EGLN3: variants seen among roughly 807,000 people sequenced by gnomAD.
EGLN3 encodes egl-9 family hypoxia inducible factor 3, also known as prolyl hydroxylase EGLN3.
A neutral mutation model predicts 26.0 loss-of-function variants in EGLN3; 15 were observed. The observed-to-expected ratio is 0.58, with a 90% confidence interval of 0.39 to 0.89. The LOEUF is 0.89. Among genes scored for constraint, EGLN3 ranks in the 40% least tolerant of loss-of-function variants. The pLI, the probability that EGLN3 is intolerant of heterozygous loss-of-function variation, is 0.00. For synonymous variants in EGLN3, 147 were observed against 127.2 expected (o/e 1.16, Z -1.05); for missense variants, 238 against 311.6 (o/e 0.76, Z 1.78).
intron 1 of EGLN3, among the ~76,000 whole-genome samples, chr14:33,940,615 C>G (rs967542834): frequency 2.6e-5 from 4 of 152,130 alleles, no homozygotes; most frequent in Non-Finnish European, 5.9e-5. Flanking sequence ...TCTGCATTTA[C>G]TGCATGTTTC....
In EGLN3 at chr14:33,950,705, C is replaced by T; in HGVS notation, c.48G>A (p.Leu16=). 6.2e-7 allele frequency: 1 copy of T among 1,614,018 alleles called. No homozygotes were observed. Among genetic ancestry groups the T allele is most frequent in the Non-Finnish European group, 8.5e-7 (1 of 1,179,952 alleles). ...CGTGCAGACAGGGCACGATGTACTCCAGGGCAATTTTCTCCAGGTCCAGCC... is the reference window on the plus strand; with the variant it reads ...CGTGCAGACAGGGCACGATGTACTCTAGGGCAATTTTCTCCAGGTCCAGCC... ...IMRLDLEKIA[L]EYIVPCLHEV... The change falls in exon 1 of 5, where the codon CTG becomes CTA. Residue 16 remains leucine, a synonymous_variant. Transcript: ENST00000250457.
At chr14:33,946,245 G>A (rs934131089) in intron 1 of EGLN3, among the ~76,000 whole-genome samples, 14 of 152,200 alleles carry the variant, frequency 9.2e-5, no homozygotes, top group African/African-American at 2.2e-4. Flanking sequence ...GCATGGTGGC[G>A]CACGCCTGTA....
intron 4 of EGLN3, among the ~76,000 whole-genome samples, 169 bp from the exon 5 acceptor site, chr14:33,926,091 C>T (rs2064360681): frequency 6.6e-6 from 1 of 152,180 alleles, no homozygotes; most frequent in Non-Finnish European, 1.5e-5. Context: ...GGGATCTTTC[C>T]CATATGCCTC....
Position 33,943,678 on chromosome 14 carries a change from C to T in EGLN3, c.357+6718G>A, listed in dbSNP as rs550685305. On this transcript the variant is annotated intron_variant, in intron 1 of 4. Coordinates refer to ENST00000250457, the MANE Select transcript of EGLN3 (RefSeq NM_022073.4). ...GCCCACAGGTGAGCAGCCTTCCAAG[C>T]TTTATCCGGAAGTACACAAGATGCT... 5.3e-5 allele frequency among the ~76,000 whole-genome samples: 8 copies of T among 152,324 alleles called. No individual in the cohort carries two copies. The East Asian group carries it at 1.2e-3, about 22-fold the overall frequency.
chr14:33,927,151 T>C (rs2064367431), intron 3 of EGLN3, 118 bp from the exon 4 acceptor site: 1 of 344,574 alleles, frequency 2.9e-6, no homozygotes, highest in Middle Eastern at 8.4e-4. Context: ...AAGTCTACCC[T>C]GATTTATTTA....
chr14:33,927,210 C>T (rs2064368686), intron 3 of EGLN3, among the ~76,000 whole-genome samples, 177 bp from the exon 4 acceptor site: 1 of 146,808 alleles, frequency 6.8e-6, no homozygotes, highest in African/African-American at 2.5e-5. Context: ...TGGAGTCTTG[C>T]TCTGTTGCCA....
At chr14:33,943,501 C>A (rs902126778) in intron 1 of EGLN3, among the ~76,000 whole-genome samples, 1 of 152,122 alleles carries the variant, frequency 6.6e-6, no homozygotes, top group Non-Finnish European at 1.5e-5. Context: ...AGTCTGTTGC[C>A]GTAATAATTA....
In EGLN3 at chr14:33,929,082, G is replaced by A. The variant is rs1184683693; in HGVS notation, c.608C>T (p.Ala203Val). 6.2e-7 allele frequency: 1 copy of A among 1,613,658 alleles called. No homozygotes were observed. Among genetic ancestry groups the A allele is most frequent in the Non-Finnish European group, 8.5e-7 (1 of 1,179,944 alleles). ...TCATGGCTCCGGCTATTACCTGGTTGCGTAAGAGGGCTGCACTTCGTGTGG... is the reference window on the plus strand; with the variant it reads ...TCATGGCTCCGGCTATTACCTGGTTACGTAAGAGGGCTGCACTTCGTGTGG... ...RNPHEVQPSY[A>V]TRYAMTVWYF... Residue 203 changes from alanine to valine, a missense_variant, in exon 3 of 5, where the codon GCA becomes GTA. Physicochemically the swap from Ala to Val is moderately conservative, Grantham distance 64. Coordinates refer to ENST00000250457, the MANE Select transcript of EGLN3 (RefSeq NM_022073.4).
chr14:33,931,852 A>C (rs2138813481), intron 1 of EGLN3, among the ~76,000 whole-genome samples: 1 of 152,342 alleles, frequency 6.6e-6, no homozygotes, highest in African/African-American at 2.4e-5. Flanking sequence ...GTATCTTAAT[A>C]TGTGTCTTCT....
Position 33,925,937 on chromosome 14 carries a change from GA to G in EGLN3, c.689-16del. 6.3e-7 allele frequency: 1 copy of G among 1,593,330 alleles called. No individual in the cohort carries two copies. The highest frequency in any genetic ancestry group is 8.6e-7 in the Non-Finnish European group (1 of 1,166,726). On this transcript the variant is annotated splice_polypyrimidine_tract_variant and intron_variant, in intron 4 of 4. Coordinates refer to ENST00000250457, the MANE Select transcript of EGLN3 (RefSeq NM_022073.4). The stretch of plus-strand genomic sequence containing the variant: ...TTCAGTTTTCCCTGGGTTGGGGACA[GA>G]AAGGAGAATAAAGAGGGTATGGAGT...
At chr14:33,934,137 A>C (rs2064423650) in intron 1 of EGLN3, among the ~76,000 whole-genome samples, 1 of 152,030 alleles carries the variant, frequency 6.6e-6, no homozygotes, top group Non-Finnish European at 1.5e-5. Context: ...CCCCTTACAC[A>C]TTTACCGCTC....
Position 33,929,173 on chromosome 14 carries a change from A to G in EGLN3, c.517T>C (p.Ser173Pro), listed in dbSNP as rs777787058. 6.8e-5 allele frequency: 110 copies of G among 1,614,050 alleles called. No individual in the cohort carries two copies. Among genetic ancestry groups the G allele is most frequent in the Non-Finnish European group, 9.2e-5 (108 of 1,180,030 alleles). ...GILRIFPEGKSFIADVEPIFD... is the reference protein window; with the variant it reads ...GILRIFPEGKPFIADVEPIFD... ...ATGGGCTCCACATCTGCTATGAATG[A>G]TTTCCCCTCTGGAAATATCCGCAGG... The change falls in exon 3 of 5, where the codon TCA becomes CCA. Residue 173 changes from serine (S) to proline (P), a missense_variant. Coordinates refer to ENST00000250457, the MANE Select transcript of EGLN3 (RefSeq NM_022073.4).
At position 33,950,418 on chromosome 14, in the gene EGLN3, T is replaced by G; in HGVS notation, c.335A>C (p.Tyr112Ser). ...VLYCGSRLGK[Y>S]YVKERSKAMV... ...TACCTTAGACCTCTCCTTGACGTAG[T>G]ATTTGCCCAGCCGGCTCCCGCAGTA... The change falls in exon 1 of 5, where the codon TAC (tyrosine) becomes TCC (serine). Residue 112 changes from tyrosine (Y) to serine (S), a missense_variant. By Grantham distance (144) the Tyr-to-Ser change is moderately radical (BLOSUM62 -2). Transcript: ENST00000250457. 1 of 1,613,102 alleles carries G rather than the reference T, an allele frequency of 6.2e-7. No homozygotes were observed. Among genetic ancestry groups the G allele is most frequent in the Non-Finnish European group, 8.5e-7 (1 of 1,180,008 alleles).
At chr14:33,931,345 TTAA>T (rs1330579426) in intron 1 of EGLN3, 130 bp from the exon 2 acceptor site, 26 of 1,389,102 alleles carry the variant, frequency 1.9e-5, no homozygotes, top group Admixed American at 4.3e-5. Context: ...TGCTGGCTTC[TTAA>T]TTTCATGTAT....
chr14:33,942,673 T>C (rs2064491537), intron 1 of EGLN3, among the ~76,000 whole-genome samples: 1 of 152,366 alleles, frequency 6.6e-6, no homozygotes, highest in Non-Finnish European at 1.5e-5. Flanking sequence ...GTTTTTCATT[T>C]TGTTTTCTTC....
In EGLN3 at chr14:33,935,358, A is replaced by G. The variant is rs566807173; in HGVS notation, c.358-4143T>C. On this transcript the variant is annotated intron_variant, in intron 1 of 4. Coordinates refer to ENST00000250457, the MANE Select transcript of EGLN3 (RefSeq NM_022073.4). ...TTGTAGTTTTGAACCCAGGACTGGC[A>G]AACTAAAATAGCTTTCGATGTTTGC... Among the ~76,000 whole-genome samples, 3 of 152,330 alleles carry G rather than the reference A, an allele frequency of 2.0e-5. No individual in the cohort carries two copies. The East Asian group carries it at 5.8e-4, about 29-fold the overall frequency.
intron 1 of EGLN3, among the ~76,000 whole-genome samples, chr14:33,936,807 A>C (rs1308557749): frequency 7.8e-6 from 1 of 128,716 alleles, no homozygotes; most frequent in African/African-American, 2.8e-5. Context: ...CATGCCCTTT[A>C]CAAGTTTTAT....
intron 2 of EGLN3, 113 bp from the exon 3 acceptor site, chr14:33,929,325 T>C (rs1594375148): frequency 2.3e-6 from 3 of 1,310,880 alleles, no homozygotes; most frequent in Non-Finnish European, 3.1e-6. Context: ...TCCAAATGCA[T>C]GGTACCCCAG....
At chr14:33,927,872 A>G (rs1156614509) in intron 3 of EGLN3, among the ~76,000 whole-genome samples, 1 of 152,206 alleles carries the variant, frequency 6.6e-6, no homozygotes, top group African/African-American at 2.4e-5. Flanking sequence ...ATAATGCCCC[A>G]GAGCTTTCTA....
Sources: allele counts gnomAD v4.1 joint callset (sites outside exome capture counted in the v4.1 genomes callset), GRCh38; gene constraint gnomAD v4.1.1; transcripts MANE v1.5; gene names NCBI Gene and HGNC (gene_info 2026-07-23, HGNC 2026-07-21).